Variants in LIMD1 observed in about 807,000 individuals in gnomAD.
LIMD1 encodes the protein LIM domain containing 1, also known as LIM domain-containing protein 1.
LIMD1 carries 23 observed loss-of-function variants against 58.4 expected under a neutral mutation model. The observed-to-expected ratio is 0.39, with a 90% CI of 0.28 to 0.56. The LOEUF (loss-of-function observed/expected upper bound fraction) is 0.56. Among genes scored for constraint, LIMD1 ranks in the 20% least tolerant of loss-of-function variants. The pLI is 0.57. For missense variants in LIMD1, 838 were observed against 855.5 expected (o/e 0.98, Z 0.25); for synonymous variants, 334 against 345.5 (o/e 0.97, Z 0.37).
At chr3:45,675,255 C>T (rs138011559) in intron 7 of LIMD1, among the ~76,000 whole-genome samples, 85 of 152,318 alleles carry the variant, frequency 5.6e-4, no homozygotes, top group African/African-American at 1.9e-3. Flanking sequence ...AGGGGCCGGG[C>T]GCGATAGCTC....
chr3:45,608,450 A>C (rs933849952), intron 1 of LIMD1, among the ~76,000 whole-genome samples: 1 of 152,190 alleles, frequency 6.6e-6, no homozygotes, highest in Non-Finnish European at 1.5e-5. Context: ...AGAGAAGCCC[A>C]CTGACGGAGT....
chr3:45,634,744 T>C (rs1339734583), intron 1 of LIMD1, among the ~76,000 whole-genome samples: 2 of 152,238 alleles, frequency 1.3e-5, no homozygotes, highest in Admixed American at 1.3e-4. Context: ...CACTTTGTAG[T>C]TGAGGCATGT....
At chr3:45,645,829 TCTC>T (rs1298989161) in intron 2 of LIMD1, among the ~76,000 whole-genome samples, 1 of 151,928 alleles carries the variant, frequency 6.6e-6, no homozygotes, top group Non-Finnish European at 1.5e-5. Flanking sequence ...TCAGATTCCT[TCTC>T]CTTCTCTTTC....
At chr3:45,657,912 T>C (rs1291989733) in intron 2 of LIMD1, among the ~76,000 whole-genome samples, 1 of 152,218 alleles carries the variant, frequency 6.6e-6, no homozygotes, top group Non-Finnish European at 1.5e-5. Flanking sequence ...TCTGCCCGAC[T>C]CTTTACTGAA....
chr3:45,649,782 A>T (rs1464223684), intron 2 of LIMD1, among the ~76,000 whole-genome samples: 5 of 145,642 alleles, frequency 3.4e-5, no homozygotes, highest in Non-Finnish European at 6.0e-5. Flanking sequence ...TATATATATA[A>T]AATATATATA....
Position 45,597,144 on chromosome 3 carries a change from G to A in LIMD1, c.1408+857G>A, listed in dbSNP as rs113658664. Among the ~76,000 whole-genome samples, 453 of 152,240 alleles carry A rather than the reference G, an allele frequency of 3.0e-3. 2 individuals are homozygous for A. The highest frequency in any genetic ancestry group is 5.2e-3 in the Admixed American group (80 of 15,286). The stretch of plus-strand genomic sequence containing the variant: ...CAAAGTGCTGGGATTACAGGCGTGA[G>A]CCACCGCGCCTGGCCAGAGCAGTGG... On this transcript the variant is annotated intron_variant, in intron 1 of 7. Coordinates refer to ENST00000273317, the MANE Select transcript of LIMD1 (RefSeq NM_014240.3).
intron 2 of LIMD1, among the ~76,000 whole-genome samples, chr3:45,650,681 G>A (rs1701959403): frequency 6.6e-6 from 1 of 151,936 alleles, no homozygotes; most frequent in South Asian, 2.1e-4. Context: ...CCTTTTTATG[G>A]CTGCATAGTA....
intron 6 of LIMD1, chr3:45,673,890 A>G (rs1025558389): frequency 7.7e-6 from 2 of 259,518 alleles, no homozygotes; most frequent in Non-Finnish European, 1.5e-5. Flanking sequence ...TGTCTCCAAA[A>G]AAAAAAAACC....
At chr3:45,637,916 T>C (rs896114872) in intron 2 of LIMD1, among the ~76,000 whole-genome samples, 1 of 151,138 alleles carries the variant, frequency 6.6e-6, no homozygotes, top group Non-Finnish European at 1.5e-5. Context: ...ACTATGAGAA[T>C]GTCCGCAGTG....
Position 45,633,684 on chromosome 3 carries a change from G to A in LIMD1, c.1409-2466G>A, listed in dbSNP as rs551012371. On this transcript the variant is annotated intron_variant, in intron 1 of 7. Transcript: ENST00000273317. ...ATAACCAATACTTGTGCCCTCTTGA[G>A]CTTTCTATAAATGAATTTCTCCAAT... 1.1e-4 allele frequency among the ~76,000 whole-genome samples: 17 copies of A among 152,308 alleles called. 1 individual carries two copies. The highest frequency in any genetic ancestry group is 2.2e-4 in the Non-Finnish European group (15 of 68,024).
chr3:45,666,864 C>T (rs1340821389), intron 3 of LIMD1, among the ~76,000 whole-genome samples: 2 of 152,194 alleles, frequency 1.3e-5, no homozygotes. Flanking sequence ...ATGTGAGATG[C>T]AGAGATGGGC....
chr3:45,665,751 C>A (rs1388795540), intron 3 of LIMD1, 34 bp downstream of exon 3: 1 of 1,597,664 alleles, frequency 6.3e-7, no homozygotes, highest in Admixed American at 1.7e-5. Flanking sequence ...CCTTGCATGT[C>A]CTGGCCAGAG....
At chr3:45,604,145 C>T (rs1701445532) in intron 1 of LIMD1, among the ~76,000 whole-genome samples, 1 of 152,182 alleles carries the variant, frequency 6.6e-6, no homozygotes, top group Non-Finnish European at 1.5e-5. Flanking sequence ...TGTGGCTGAC[C>T]TGGGTGAAGC....
At chr3:45,612,070 GCTCTCTCTCTCTCT>G (rs112847908) in intron 1 of LIMD1, among the ~76,000 whole-genome samples, 1 of 144,842 alleles carries the variant, frequency 6.9e-6, no homozygotes, top group Non-Finnish European at 1.5e-5. Flanking sequence ...GCAGGTGCGC[GCTCTCTCTCTCTCT>G]CTCTCTCTCT....
chr3:45,594,931 C>T lies in LIMD1; in HGVS notation c.52C>T (p.Leu18=). Residue 18 remains leucine (L), a synonymous_variant, in exon 1 of 8, where the codon CTG becomes TTG. Transcript: ENST00000273317. ...GLEASKFIED[L]NMYEASKDGL... is the part of the protein sequence containing the mutation. ...GGAGGCCAGTAAATTCATCGAGGAC[C>T]TGAACATGTATGAGGCCTCTAAGGA... is the stretch of plus-strand genomic sequence containing the variant. 6.2e-7 allele frequency: 1 copy of T among 1,613,460 alleles called. No homozygotes were observed. Among genetic ancestry groups the T allele is most frequent in the Non-Finnish European group, 8.5e-7 (1 of 1,179,958 alleles).
At chr3:45,670,382 T>G (rs868281987) in intron 4 of LIMD1, among the ~76,000 whole-genome samples, 3 of 151,296 alleles carry the variant, frequency 2.0e-5, no homozygotes, top group Admixed American at 2.0e-4. Flanking sequence ...AATAGTGATT[T>G]CTTATTTATC....
chr3:45,608,096 A>G (rs917241778), intron 1 of LIMD1, among the ~76,000 whole-genome samples: 3 of 152,240 alleles, frequency 2.0e-5, no homozygotes, highest in Non-Finnish European at 2.9e-5. Flanking sequence ...GCATTTGCTG[A>G]CAGTTATCTT....
At chr3:45,662,611 C>T (rs931002182) in intron 2 of LIMD1, among the ~76,000 whole-genome samples, 11 of 152,024 alleles carry the variant, frequency 7.2e-5, no homozygotes, top group Admixed American at 6.6e-5. Flanking sequence ...CTCTCCCTTC[C>T]TTCCCTAGGG....
chr3:45,644,416 C>T (rs929652953), intron 2 of LIMD1, among the ~76,000 whole-genome samples: 1 of 152,142 alleles, frequency 6.6e-6, no homozygotes, highest in African/African-American at 2.4e-5. Flanking sequence ...TCCTTTAATT[C>T]ATGCAGGTCT....
Sources: gnomAD v4.1 joint callset for allele counts (sites outside exome capture counted in the v4.1 genomes callset) on GRCh38, gnomAD v4.1.1 for gene constraint, MANE v1.5 for transcripts, NCBI Gene and HGNC (gene_info 2026-07-23, HGNC 2026-07-21) for gene names.